Variants in SH3BGRL2 observed in about 807,000 individuals in gnomAD.
SH3BGRL2 encodes the protein SH3 domain binding glutamate rich protein like 2, also known as SH3 domain-binding glutamic acid-rich-like protein 2.
In SH3BGRL2, 21 loss-of-function variants were observed where a neutral mutation model predicts 14.8. That is an observed-to-expected ratio of 1.42 (90% CI 1.01 to 2.05). The LOEUF is 2.05. Ranked by LOEUF, SH3BGRL2 falls within the 30% of genes most tolerant of loss-of-function variation. The pLI is 0.00. For synonymous variants in SH3BGRL2, 50 were observed against 47.8 expected, an observed-to-expected ratio of 1.05 and a Z score of -0.19; for missense variants, 147 against 130.8, an observed-to-expected ratio of 1.12 and a Z score of -0.61.
In SH3BGRL2 at chr6:79,699,632, A is replaced by T. The variant is rs1169801387; in HGVS notation, c.*123A>T. On this transcript the variant is annotated 3_prime_UTR_variant, in exon 4 of 4. Coordinates refer to ENST00000369838, the MANE Select transcript of SH3BGRL2 (RefSeq NM_031469.4). ...CGCATTATCAGTAACTTTGCTTGCC[A>T]CGGAAAAGGTGTTTTTGAAAGATGT... 1 of 1,293,946 alleles carries T rather than the reference A, an allele frequency of 7.7e-7. No individual in the cohort carries two copies. The allele number at this position is 1,293,946 out of a possible 1,614,324, so 80.2% of individuals were successfully genotyped here. A position where few individuals can be genotyped will look rare whatever the true frequency, so the allele number is the denominator to read the frequency against.
rs143095531 is a variant in SH3BGRL2 at position 79,679,819 on chromosome 6, A to G, written c.231+6020A>G. On this transcript the variant is annotated intron_variant, in intron 2 of 3. Transcript: ENST00000369838. Reference sequence around the variant, plus strand: ...AACTCATTGTGGTTTTGATTTGTACATCTGATGATTAGTGATGTTGAGCAT... The same window carrying G: ...AACTCATTGTGGTTTTGATTTGTACGTCTGATGATTAGTGATGTTGAGCAT... Among the ~76,000 whole-genome samples the G allele has an allele frequency of 1.3e-4, 20 of 152,244 alleles. No individual in the cohort carries two copies. In the East Asian group the frequency reaches 3.3e-3, roughly 25 times the overall value.
the SH3BGRL2 span, among the ~76,000 whole-genome samples, chr6:79,616,255 A>C: frequency 6.6e-6 from 1 of 152,228 alleles, no homozygotes; most frequent in African/African-American, 2.4e-5. Context: ...CAGCATGCTC[A>C]CACCAAATGG....
the SH3BGRL2 span, among the ~76,000 whole-genome samples, chr6:79,572,548 C>T: frequency 2.0e-5 from 3 of 152,156 alleles, no homozygotes; most frequent in Non-Finnish European, 1.5e-5. Context: ...TCACTGCAAG[C>T]TCTGCTTGCC....
the SH3BGRL2 span, among the ~76,000 whole-genome samples, chr6:79,591,324 A>C: frequency 2.0e-5 from 3 of 152,158 alleles, no homozygotes; most frequent in Non-Finnish European, 4.4e-5. Flanking sequence ...TATTGATCTA[A>C]TCTTTTTATA....
chr6:79,688,299 C>T (rs945297219), intron 2 of SH3BGRL2, among the ~76,000 whole-genome samples: 3 of 151,690 alleles, frequency 2.0e-5, no homozygotes, highest in African/African-American at 7.3e-5. Context: ...GTTCGAGTAG[C>T]TTGGTTATGC....
chr6:79,570,111 A>G, the SH3BGRL2 span, among the ~76,000 whole-genome samples: 1 of 152,256 alleles, frequency 6.6e-6, no homozygotes, highest in African/African-American at 2.4e-5. Context: ...CCTTTTTCAC[A>G]ACTCTCCCCA....
At chr6:79,581,671 A>G in the SH3BGRL2 span, among the ~76,000 whole-genome samples, 1 of 152,330 alleles carries the variant, frequency 6.6e-6, no homozygotes, top group Admixed American at 6.5e-5. Flanking sequence ...TGACAAACCC[A>G]CAGCCAATAT....
At chr6:79,689,023 C>G (rs766708491) in intron 2 of SH3BGRL2, among the ~76,000 whole-genome samples, 2 of 152,050 alleles carry the variant, frequency 1.3e-5, no homozygotes, top group Non-Finnish European at 2.9e-5. Context: ...TTAATTGTTA[C>G]TAACATGATA....
At chr6:79,697,840 C>CA (rs1390528307) in intron 3 of SH3BGRL2, among the ~76,000 whole-genome samples, 2 of 152,130 alleles carry the variant, frequency 1.3e-5, no homozygotes, top group Non-Finnish European at 2.9e-5. Context: ...CTAATGGATA[C>CA]ATAAATCCAG....
chr6:79,664,154 C>T lies in SH3BGRL2; in HGVS notation c.46-9460C>T, dbSNP rs905412017. On this transcript the variant is annotated intron_variant, in intron 1 of 3. Transcript: ENST00000369838. ...GGTGACGTCCCACCCTGCTTCAGCT[C>T]GCCCTCCGTGGGCTGCACCCACTGT... Among the ~76,000 whole-genome samples the T allele has an allele frequency of 7.6e-4, 115 of 152,224 alleles. 1 individual carries two copies. Among genetic ancestry groups the T allele is most frequent in the South Asian group, 1.2e-3 (6 of 4,832 alleles).
chr6:79,697,285 C>G (rs1215607322), intron 3 of SH3BGRL2, among the ~76,000 whole-genome samples: 1 of 151,942 alleles, frequency 6.6e-6, no homozygotes, highest in Non-Finnish European at 1.5e-5. Context: ...AAGGGTAAAA[C>G]AAAGAACTAA....
chr6:79,615,399 C>T, the SH3BGRL2 span, among the ~76,000 whole-genome samples: 1 of 152,182 alleles, frequency 6.6e-6, no homozygotes, highest in East Asian at 1.9e-4. Flanking sequence ...TGTGAAGCCT[C>T]TTCTGCGCAG....
the SH3BGRL2 span, among the ~76,000 whole-genome samples, chr6:79,596,654 T>TAA: frequency 2.0e-5 from 3 of 152,184 alleles, no homozygotes; most frequent in African/African-American, 7.2e-5. Flanking sequence ...CATTCTGTGT[T>TAA]CACAGAATGG....
At chr6:79,625,366 A>C in the SH3BGRL2 span, among the ~76,000 whole-genome samples, 7 of 152,150 alleles carry the variant, frequency 4.6e-5, no homozygotes, top group African/African-American at 1.7e-4. Context: ...TTGATCAAGA[A>C]TAGACAGAAT....
At chr6:79,597,716 G>T in the SH3BGRL2 span, among the ~76,000 whole-genome samples, 1 of 152,100 alleles carries the variant, frequency 6.6e-6, no homozygotes, top group Admixed American at 6.6e-5. Flanking sequence ...TGATTTCTTA[G>T]ATATGACACC....
the SH3BGRL2 span, among the ~76,000 whole-genome samples, chr6:79,606,707 T>A: frequency 1.3e-5 from 2 of 152,252 alleles, no homozygotes; most frequent in South Asian, 4.1e-4. Flanking sequence ...CTGGTGAGTT[T>A]ATGTAAATTA....
the SH3BGRL2 span, among the ~76,000 whole-genome samples, chr6:79,618,913 T>G: frequency 1.4e-4 from 1 of 7,070 alleles, no homozygotes; most frequent in African/African-American, 5.6e-4. Context: ...TGAGACTCTG[T>G]CAAAAAAAAA....
intron 1 of SH3BGRL2, among the ~76,000 whole-genome samples, chr6:79,653,185 A>G (rs2127726983): frequency 6.6e-6 from 1 of 152,320 alleles, no homozygotes; most frequent in African/African-American, 2.4e-5. Flanking sequence ...TCTTCAGGAC[A>G]AGATCAAAAA....
intron 1 of SH3BGRL2, among the ~76,000 whole-genome samples, chr6:79,644,797 T>A (rs1031370571): frequency 7.2e-5 from 11 of 152,116 alleles, no homozygotes; most frequent in African/African-American, 2.7e-4. Context: ...ATTTTCTGAT[T>A]TTTTTCAACT....
Sources: allele counts gnomAD v4.1 joint callset (sites outside exome capture counted in the v4.1 genomes callset), GRCh38; gene constraint gnomAD v4.1.1; transcripts MANE v1.5; gene names NCBI Gene and HGNC (gene_info 2026-07-23, HGNC 2026-07-21).